The following GRIA1 variants were observed in gnomAD, a reference collection of about 807,000 sequenced individuals.
GRIA1 encodes glutamate ionotropic receptor AMPA type subunit 1, also known as glutamate receptor 1.
A neutral mutation model predicts 99.2 loss-of-function variants in GRIA1; 31 were observed. The ratio of observed to expected loss-of-function variants is 0.31; its 90% CI spans 0.23 to 0.42. The LOEUF is 0.42. Ranked by LOEUF, GRIA1 falls within the 10% of genes least tolerant of loss-of-function variation. The probability of loss-of-function intolerance (pLI) is 1.00; values close to 1 mark genes in which losing one functional copy is unlikely to be tolerated. For synonymous variants in GRIA1, 438 were observed against 432.4 expected (o/e 1.01, Z -0.16); for missense variants, 782 against 1,157.5 (o/e 0.68, Z 4.71).
intron 1 of GRIA1, among the ~76,000 whole-genome samples, chr5:153,493,628 G>A (rs1754132293): frequency 6.6e-6 from 1 of 152,190 alleles, no homozygotes; most frequent in Non-Finnish European, 1.5e-5. Flanking sequence ...GCACAAGGGA[G>A]GAAGAAGAGA....
chr5:153,572,264 G>A (rs1047962215), intron 2 of GRIA1, among the ~76,000 whole-genome samples: 3 of 152,120 alleles, frequency 2.0e-5, no homozygotes, highest in African/African-American at 7.2e-5. Context: ...AGCAAATGGT[G>A]TGGGCCCTAC....
At chr5:153,591,392 A>G (rs1381465623) in intron 2 of GRIA1, among the ~76,000 whole-genome samples, 1 of 152,216 alleles carries the variant, frequency 6.6e-6, no homozygotes, top group Non-Finnish European at 1.5e-5. Context: ...CATTCAAGAT[A>G]TCCCATTGAG....
chr5:153,723,477 T>A (rs1055321803), intron 11 of GRIA1, among the ~76,000 whole-genome samples: 5 of 152,180 alleles, frequency 3.3e-5, no homozygotes, highest in Non-Finnish European at 5.9e-5. Flanking sequence ...ATCAGGGAGT[T>A]CCCTTTCCTA....
Position 153,770,248 on chromosome 5 carries a change from G to A in GRIA1, c.2103G>A (p.Glu701=). The A allele has an allele frequency of 6.2e-7, 1 of 1,614,024 alleles. No homozygotes were observed. The highest frequency in any genetic ancestry group is 1.7e-5 in the Admixed American group (1 of 60,020). The change falls in exon 13 of 16, where the codon GAG becomes GAA. Residue 701 remains glutamate (E), a synonymous_variant. Transcript: ENST00000285900. ...AEPSVFVRTT[E]EGMIRVRKSK... ...CATCAGTTTTTGTGCGGACCACAGA[G>A]GAGGGGATGATTCGAGTGAGGAAAT...
At chr5:153,670,212 G>A (rs990959447) in intron 5 of GRIA1, among the ~76,000 whole-genome samples, 6 of 152,184 alleles carry the variant, frequency 3.9e-5, no homozygotes, top group Non-Finnish European at 7.3e-5. Flanking sequence ...AATGTGAAAT[G>A]CTACATAGGT....
intron 12 of GRIA1, among the ~76,000 whole-genome samples, chr5:153,769,419 A>G (rs1763731013): frequency 6.6e-6 from 1 of 152,050 alleles, no homozygotes; most frequent in African/African-American, 2.4e-5. Flanking sequence ...AATACATAGG[A>G]TTTATTCTGT....
chr5:153,730,898 A>G (rs6580033), intron 11 of GRIA1, among the ~76,000 whole-genome samples: 81,840 of 151,850 alleles, frequency 0.54, 23,014 homozygotes, highest in East Asian at 0.94. Flanking sequence ...AGTGAGCCAA[A>G]CCCTGTAACC....
intron 2 of GRIA1, among the ~76,000 whole-genome samples, chr5:153,515,781 G>A (rs762984310): frequency 1.4e-4 from 22 of 152,108 alleles, no homozygotes; most frequent in Non-Finnish European, 1.0e-4. Context: ...TATTTTTCTT[G>A]CTGAATCCCA....
In GRIA1 at chr5:153,802,373, G is replaced by A; in HGVS notation, c.2403G>A (p.Leu801=). ...GGDSKDKTSA[L]SLSNVAGVFY... ...CTTCTTAGGACAAGACAAGCGCTCT[G>A]AGCCTCAGCAATGTGGCAGGCGTGT... The change falls in exon 15 of 16, where the codon CTG becomes CTA. Residue 801 remains leucine (L), a synonymous_variant. Coordinates refer to ENST00000285900, the MANE Select transcript of GRIA1 (RefSeq NM_000827.4). 1 of 1,613,876 alleles carries A rather than the reference G, an allele frequency of 6.2e-7. No homozygotes were observed. The highest frequency in any genetic ancestry group is 8.5e-7 in the Non-Finnish European group (1 of 1,179,920).
At chr5:153,660,060 T>G (rs770245403) in intron 5 of GRIA1, among the ~76,000 whole-genome samples, 39 of 152,216 alleles carry the variant, frequency 2.6e-4, no homozygotes, top group Admixed American at 1.5e-3. Context: ...TTTACAGATG[T>G]GGGAACTGAG....
chr5:153,800,158 C>T (rs548642186), intron 14 of GRIA1, among the ~76,000 whole-genome samples: 1 of 152,266 alleles, frequency 6.6e-6, no homozygotes, highest in East Asian at 1.9e-4. Flanking sequence ...TTCTTTTTTA[C>T]CACCTGCCCT....
At chr5:153,551,866 T>G (rs182152247) in intron 2 of GRIA1, among the ~76,000 whole-genome samples, 1 of 152,202 alleles carries the variant, frequency 6.6e-6, no homozygotes, top group African/African-American at 2.4e-5. Context: ...TCTGTGATCA[T>G]GATACATTGT....
At chr5:153,549,393 C>A (rs935982254) in intron 2 of GRIA1, among the ~76,000 whole-genome samples, 10 of 152,068 alleles carry the variant, frequency 6.6e-5, no homozygotes, top group African/African-American at 2.4e-4. Context: ...TTAACAGTCA[C>A]CACTGGGTTT....
chr5:153,788,085 GAA>G (rs34230296), intron 13 of GRIA1, among the ~76,000 whole-genome samples: 56 of 147,402 alleles, frequency 3.8e-4, no homozygotes, highest in Non-Finnish European at 5.6e-4. Context: ...TTCTCAAAAA[GAA>G]AAAAAAAAAA....
At chr5:153,644,261 T>C (rs1028246660) in intron 2 of GRIA1, among the ~76,000 whole-genome samples, 2 of 152,192 alleles carry the variant, frequency 1.3e-5, no homozygotes, top group African/African-American at 2.4e-5. Context: ...ATAATAGACA[T>C]TTAAAGACAG....
chr5:153,794,584 C>A, intron 13 of GRIA1, 37 bp from the exon 14 acceptor site: 2 of 1,332,960 alleles, frequency 1.5e-6, no homozygotes, highest in South Asian at 1.2e-5. Flanking sequence ...TGTTCTCCAC[C>A]TGTTACTCAT....
intron 11 of GRIA1, among the ~76,000 whole-genome samples, chr5:153,747,410 A>G (rs1446234489): frequency 6.6e-6 from 1 of 152,132 alleles, no homozygotes; most frequent in Non-Finnish European, 1.5e-5. Flanking sequence ...ACCAGGCCCC[A>G]CCTCCAACAT....
At chr5:153,546,972 G>T (rs1759670615) in intron 2 of GRIA1, among the ~76,000 whole-genome samples, 1 of 152,156 alleles carries the variant, frequency 6.6e-6, no homozygotes, top group African/African-American at 2.4e-5. Flanking sequence ...GCACTTAGTT[G>T]TGTCTGATAA....
chr5:153,636,655 A>T (rs1053969787), intron 2 of GRIA1, among the ~76,000 whole-genome samples: 3 of 152,216 alleles, frequency 2.0e-5, no homozygotes, highest in Non-Finnish European at 4.4e-5. Context: ...CTGTGTTTGG[A>T]TTCTGAATCT....
Sources: allele counts gnomAD v4.1 joint callset (sites outside exome capture counted in the v4.1 genomes callset), GRCh38; gene constraint gnomAD v4.1.1; transcripts MANE v1.5; gene names NCBI Gene and HGNC (gene_info 2026-07-23, HGNC 2026-07-21).